Variants in TXNRD1 observed in about 807,000 individuals in gnomAD.
TXNRD1 encodes the protein thioredoxin reductase 1.
A neutral mutation model predicts 80.3 loss-of-function variants in TXNRD1; 57 were observed. The ratio of observed to expected loss-of-function variants is 0.71; its 90% CI spans 0.57 to 0.89. The LOEUF (loss-of-function observed/expected upper bound fraction) is 0.89, where lower values mean the gene tolerates loss of function less well. Among genes scored for constraint, TXNRD1 ranks in the 40% least tolerant of loss-of-function variants. TXNRD1 has a pLI of 0.00. For synonymous variants in TXNRD1, 291 were observed against 285.2 expected (o/e 1.02, Z -0.20); for missense variants, 730 against 803.0 (o/e 0.91, Z 1.10).
chr12:104,346,987 C>T (rs6539139), intron 16 of TXNRD1, among the ~76,000 whole-genome samples: 70 of 152,128 alleles, frequency 4.6e-4, no homozygotes, highest in African/African-American at 1.5e-3. Flanking sequence ...CCCACCTACT[C>T]GGGAGGCTGA....
At chr12:104,278,933 G>A (rs1418907874) in intron 3 of TXNRD1, among the ~76,000 whole-genome samples, 1 of 151,996 alleles carries the variant, frequency 6.6e-6, no homozygotes, top group Non-Finnish European at 1.5e-5. Flanking sequence ...AGTAATATCT[G>A]CATTTTTACA....
rs188776995 is a variant in TXNRD1, at chr12:104,311,502, A to G, written c.537+90A>G. ...ACAGGGTTCTCTCCTCTCTCTGTGGAATTTATTTGATCCACTCCTGTGACA... is the reference window on the plus strand; with the variant it reads ...ACAGGGTTCTCTCCTCTCTCTGTGGGATTTATTTGATCCACTCCTGTGACA... On this transcript the variant is annotated intron_variant, in intron 5 of 16. Transcript: ENST00000525566. The G allele has an allele frequency of 1.7e-4, 251 of 1,485,790 alleles. No individual in the cohort carries two copies. In the African/African-American group the frequency reaches 3.1e-3, roughly 18 times the overall value. The allele number at this position is 1,485,790 out of a possible 1,614,324, so 92.0% of individuals were successfully genotyped here. A position where few individuals can be genotyped will look rare whatever the true frequency, so the allele number is the denominator to read the frequency against.
chr12:104,218,837 G>A (rs1392229173), intron 1 of TXNRD1, among the ~76,000 whole-genome samples: 1 of 151,890 alleles, frequency 6.6e-6, no homozygotes, highest in Non-Finnish European at 1.5e-5. Flanking sequence ...CAAACTTCTG[G>A]GCTCAAGTGA....
intron 10 of TXNRD1, 27 bp from the exon 11 acceptor site, chr12:104,325,310 C>T: frequency 6.5e-7 from 1 of 1,548,380 alleles, no homozygotes; most frequent in Non-Finnish European, 8.9e-7. Context: ...GTCTTTATTT[C>T]ACAGTAAAAC....
At position 104,344,868 on chromosome 12, in the gene TXNRD1, A is replaced by G. The variant is rs140960988; in HGVS notation, c.1882-3485A>G. 1.8e-3 allele frequency among the ~76,000 whole-genome samples: 267 copies of G among 152,328 alleles called. 2 individuals carry two copies. Among genetic ancestry groups the G allele is most frequent in the African/African-American group, 6.1e-3 (253 of 41,570 alleles). On this transcript the variant is annotated intron_variant, in intron 16 of 16. Transcript: ENST00000525566. ...AGCTACCATATGATCCAGCAATCCC[A>G]CTACTTAACTGGGCATTTATCCCAA...
At chr12:104,299,012 A>G (rs2034524481) in intron 4 of TXNRD1, among the ~76,000 whole-genome samples, 1 of 152,216 alleles carries the variant, frequency 6.6e-6, no homozygotes, top group Non-Finnish European at 1.5e-5. Flanking sequence ...TCAAGTCCCA[A>G]AGTCCACCCT....
rs562630150 is a variant in TXNRD1 at position 104,313,818 on chromosome 12, A to C, written c.610+501A>C. The stretch of plus-strand genomic sequence containing the variant: ...CAAAGTTCATGCCCTTGTGAAGCTT[A>C]TATTCTAAGTGGGGAGACAAAAGAT... On this transcript the variant is annotated intron_variant, in intron 6 of 16. Transcript: ENST00000525566. Among the ~76,000 whole-genome samples the C allele has an allele frequency of 6.8e-4, 103 of 152,368 alleles. No individual in the cohort carries two copies. The South Asian group carries it at 0.012, about 18-fold the overall frequency.
intron 8 of TXNRD1, among the ~76,000 whole-genome samples, 152 bp downstream of exon 8, chr12:104,319,207 G>C (rs1444862029): frequency 6.6e-6 from 1 of 152,060 alleles, no homozygotes; most frequent in Non-Finnish European, 1.5e-5. Context: ...ATCATCCTAT[G>C]GGGCCTTGTG....
In TXNRD1 at chr12:104,349,174, C is replaced by A. The variant is rs1465163358; in HGVS notation, c.*753C>A. Reference sequence around the variant, plus strand: ...ATTTGGTAGTATAGTATGATTCTCACCATTATTTGTCATGGAGGCAGACAT... The same window carrying A: ...ATTTGGTAGTATAGTATGATTCTCAACATTATTTGTCATGGAGGCAGACAT... On this transcript the variant is annotated 3_prime_UTR_variant, in exon 17 of 17. Transcript: ENST00000525566. The A allele has an allele frequency of 1.3e-5, 2 of 152,166 alleles. No homozygotes were observed. Among genetic ancestry groups the A allele is most frequent in the Non-Finnish European group, 2.9e-5 (2 of 68,040 alleles). The allele number at this position is 152,166 out of a possible 1,614,324, so 9.4% of individuals were successfully genotyped here. A position where few individuals can be genotyped will look rare whatever the true frequency, so the allele number is the denominator to read the frequency against.
chr12:104,266,116 C>T (rs1222451447), intron 3 of TXNRD1, among the ~76,000 whole-genome samples: 3 of 152,128 alleles, frequency 2.0e-5, no homozygotes, highest in Non-Finnish European at 4.4e-5. Flanking sequence ...GTGTACCTTG[C>T]TGGGCTCAGG....
chr12:104,298,095 C>CT (rs1178765105), intron 4 of TXNRD1, among the ~76,000 whole-genome samples: 2 of 152,214 alleles, frequency 1.3e-5, no homozygotes, highest in South Asian at 4.1e-4. Context: ...TAGTGAGACT[C>CT]TTTTACTTCT....
At chr12:104,314,632 A>G (rs1033639953) in intron 6 of TXNRD1, among the ~76,000 whole-genome samples, 2 of 152,100 alleles carry the variant, frequency 1.3e-5, no homozygotes, top group Non-Finnish European at 2.9e-5. Context: ...TAGGGATACT[A>G]AACCTATTTT....
At chr12:104,296,365 G>T (rs895876749) in intron 4 of TXNRD1, among the ~76,000 whole-genome samples, 6 of 152,076 alleles carry the variant, frequency 3.9e-5, no homozygotes, top group Non-Finnish European at 7.3e-5. Flanking sequence ...GAACAATGAG[G>T]CTGGGCTTCT....
chr12:104,341,649 G>A (rs2036328094), intron 16 of TXNRD1, among the ~76,000 whole-genome samples: 1 of 144,810 alleles, frequency 6.9e-6, no homozygotes, highest in East Asian at 1.9e-4. Flanking sequence ...GACACCAGCT[G>A]GGTGTCTAGA....
intron 1 of TXNRD1, among the ~76,000 whole-genome samples, 198 bp from the exon 2 acceptor site, chr12:104,251,329 T>C (rs2033113013): frequency 6.6e-6 from 1 of 152,210 alleles, no homozygotes; most frequent in East Asian, 1.9e-4. Flanking sequence ...GTTAGGAATA[T>C]TGAATAATAT....
chr12:104,308,274 C>T (rs762048325), intron 4 of TXNRD1, among the ~76,000 whole-genome samples: 9 of 152,120 alleles, frequency 5.9e-5, no homozygotes, highest in Non-Finnish European at 7.4e-5. Context: ...GGATTACAGG[C>T]GTGAGCCACC....
chr12:104,252,686 ATATATTTTTTTTTTTTTT>A (rs2033150737), intron 2 of TXNRD1, among the ~76,000 whole-genome samples: 3 of 83,944 alleles, frequency 3.6e-5, no homozygotes, highest in Non-Finnish European at 6.6e-5. Context: ...ATATATATAT[ATATATTTTTTTTTTTTTT>A]TTTTTTTTTT....
chr12:104,342,659 A>G (rs12318769), intron 16 of TXNRD1, among the ~76,000 whole-genome samples: 2,972 of 152,112 alleles, frequency 0.02, 106 homozygotes, highest in African/African-American at 0.068. Flanking sequence ...ATATATATTT[A>G]TTTTTTATTT....
chr12:104,217,633 C>T (rs2032247216), intron 1 of TXNRD1, among the ~76,000 whole-genome samples: 1 of 152,098 alleles, frequency 6.6e-6, no homozygotes, highest in African/African-American at 2.4e-5. Flanking sequence ...TTTAAGTATA[C>T]AGTTTTCAGC....
Sources: allele counts gnomAD v4.1 joint callset (sites outside exome capture counted in the v4.1 genomes callset), GRCh38; gene constraint gnomAD v4.1.1; transcripts MANE v1.5; gene names NCBI Gene and HGNC (gene_info 2026-07-23, HGNC 2026-07-21).